The following PABPC4L variants were observed in gnomAD, a reference collection of about 807,000 sequenced individuals.
PABPC4L encodes polyadenylate-binding protein 4-like.
For synonymous variants in PABPC4L, 169 were observed against 164.1 expected (o/e 1.03, Z -0.23); for missense variants, 452 against 451.4 (o/e 1.00, Z -0.01).
chr4:134,108,535 T>G, the PABPC4L span, among the ~76,000 whole-genome samples: 1 of 151,904 alleles, frequency 6.6e-6, no homozygotes, highest in East Asian at 1.9e-4. Flanking sequence ...AATCCACAAC[T>G]GATATTTATG....
chr4:134,032,235 A>T, the PABPC4L span, among the ~76,000 whole-genome samples: 1 of 151,858 alleles, frequency 6.6e-6, no homozygotes, highest in East Asian at 1.9e-4. Context: ...AAAAAATAAA[A>T]ATATAATGTA....
the PABPC4L span, among the ~76,000 whole-genome samples, chr4:134,186,953 C>T: frequency 6.6e-6 from 1 of 152,134 alleles, no homozygotes; most frequent in Non-Finnish European, 1.5e-5. Context: ...TGTTTATCAT[C>T]ACTGGCCATC....
At chr4:133,974,723 G>A in the PABPC4L span, among the ~76,000 whole-genome samples, 4 of 151,988 alleles carry the variant, frequency 2.6e-5, no homozygotes, top group South Asian at 4.1e-4. Context: ...TTTAACATAC[G>A]TCTCTCCAAA....
chr4:134,066,080 G>A, the PABPC4L span, among the ~76,000 whole-genome samples: 1 of 151,970 alleles, frequency 6.6e-6, no homozygotes, highest in Non-Finnish European at 1.5e-5. Context: ...CTTGCCTTTG[G>A]TATTAGGGCT....
chr4:134,145,101 T>C, the PABPC4L span, among the ~76,000 whole-genome samples: 1 of 151,782 alleles, frequency 6.6e-6, no homozygotes, highest in Non-Finnish European at 1.5e-5. Flanking sequence ...AGTACTTAAT[T>C]ATAGGTTGGT....
chr4:134,125,209 C>A, the PABPC4L span, among the ~76,000 whole-genome samples: 1 of 152,052 alleles, frequency 6.6e-6, no homozygotes, highest in African/African-American at 2.4e-5. Context: ...TGGAAAAAAA[C>A]CAAGAGCTCT....
At chr4:134,119,206 G>C in the PABPC4L span, among the ~76,000 whole-genome samples, 1 of 151,574 alleles carries the variant, frequency 6.6e-6, no homozygotes, top group African/African-American at 2.4e-5. Context: ...AAATTTTATA[G>C]TACCAATCTC....
the PABPC4L span, among the ~76,000 whole-genome samples, chr4:134,141,515 T>C: frequency 6.7e-6 from 1 of 150,154 alleles, no homozygotes; most frequent in Non-Finnish European, 1.5e-5. Context: ...TATATGTAAT[T>C]ATAATATTTT....
chr4:134,089,260 T>C, the PABPC4L span, among the ~76,000 whole-genome samples: 1 of 152,110 alleles, frequency 6.6e-6, no homozygotes, highest in South Asian at 2.1e-4. Context: ...TTTTTAATAG[T>C]ATTTATTTTT....
chr4:134,024,205 T>G, the PABPC4L span, among the ~76,000 whole-genome samples: 1 of 152,162 alleles, frequency 6.6e-6, no homozygotes, highest in South Asian at 2.1e-4. Context: ...TACTTAAAGA[T>G]TCTGTCAGCT....
chr4:134,038,335 G>A, the PABPC4L span, among the ~76,000 whole-genome samples: 12 of 151,980 alleles, frequency 7.9e-5, no homozygotes, highest in Admixed American at 6.6e-5. Context: ...TACTGGCCTC[G>A]TAAAATTAGT....
chr4:134,183,851 T>C, the PABPC4L span, among the ~76,000 whole-genome samples: 3 of 151,854 alleles, frequency 2.0e-5, no homozygotes, highest in African/African-American at 7.3e-5. Context: ...ATTTTAAGGA[T>C]TTTAATTCTC....
At chr4:134,088,541 AG>A in the PABPC4L span, among the ~76,000 whole-genome samples, 82 of 152,230 alleles carry the variant, frequency 5.4e-4, no homozygotes, top group African/African-American at 1.9e-3. Flanking sequence ...AAGTATTAAA[AG>A]GTGGTCCCTT....
chr4:134,040,641 A>G, the PABPC4L span, among the ~76,000 whole-genome samples: 5 of 152,322 alleles, frequency 3.3e-5, no homozygotes, highest in Non-Finnish European at 7.4e-5. Context: ...AAACCTAGGC[A>G]ATACCATTCA....
chr4:134,071,441 C>T, the PABPC4L span, among the ~76,000 whole-genome samples: 4 of 152,192 alleles, frequency 2.6e-5, no homozygotes, highest in Middle Eastern at 3.4e-3. Flanking sequence ...GCCCTAGAAC[C>T]GATTGAGAAC....
chr4:134,138,961 A>T, the PABPC4L span, among the ~76,000 whole-genome samples: 1 of 151,902 alleles, frequency 6.6e-6, no homozygotes, highest in Admixed American at 6.6e-5. Flanking sequence ...ATAAGAAAAT[A>T]GGTTTCACTA....
chr4:134,024,775 A>G, the PABPC4L span, among the ~76,000 whole-genome samples: 1 of 150,336 alleles, frequency 6.7e-6, no homozygotes, highest in South Asian at 2.1e-4. Flanking sequence ...TTGAACATGA[A>G]CTTTTTAAAC....
chr4:133,961,427 C>A, the PABPC4L span, among the ~76,000 whole-genome samples: 1 of 152,134 alleles, frequency 6.6e-6, no homozygotes, highest in African/African-American at 2.4e-5. Context: ...GAAACACGGG[C>A]CTTGCAACTT....
At chr4:134,020,863 A>T in the PABPC4L span, among the ~76,000 whole-genome samples, 32 of 152,214 alleles carry the variant, frequency 2.1e-4, no homozygotes, top group African/African-American at 7.7e-4. Flanking sequence ...ATAATTGACA[A>T]CTACTTAGGA....
Sources: gnomAD v4.1 joint callset for allele counts (sites outside exome capture counted in the v4.1 genomes callset) on GRCh38, gnomAD v4.1.1 for gene constraint, MANE v1.5 for transcripts, NCBI Gene and HGNC (gene_info 2026-07-23, HGNC 2026-07-21) for gene names.